Variants in HECTD4 observed in about 807,000 individuals in gnomAD.
HECTD4 encodes the protein HECT domain E3 ubiquitin protein ligase 4, also known as probable E3 ubiquitin-protein ligase HECTD4.
A neutral mutation model predicts 471.5 loss-of-function variants in HECTD4; 114 were observed. The observed-to-expected ratio is 0.24, with a 90% CI of 0.21 to 0.28. The LOEUF is 0.28. Ranked by LOEUF, HECTD4 falls within the 10% of genes least tolerant of loss-of-function variation. The pLI, the probability that HECTD4 is intolerant of heterozygous loss-of-function variation, is 1.00. For synonymous variants in HECTD4, 2,012 were observed against 2,256.0 expected (o/e 0.89, Z 3.07); for missense variants, 3,866 against 5,651.5 (o/e 0.68, Z 10.13).
rs1327178072 is a variant in HECTD4, at chr12:112,327,565, G to A, written c.178-7823C>T. On this transcript the variant is annotated intron_variant, in intron 1 of 75. Coordinates refer to ENST00000682272, the MANE Select transcript of HECTD4 (RefSeq NM_001388303.1). ...GAAACATGGATGTTATTTTTTCTCT[G>A]TTTCAAAAACAACAGACTAATGACA... Among the ~76,000 whole-genome samples the A allele has an allele frequency of 2.6e-5, 4 of 151,992 alleles. No individual in the cohort carries two copies. In the South Asian group the frequency reaches 6.2e-4, roughly 24 times the overall value.
rs534757883 is a variant in HECTD4, at chr12:112,367,197, G to A, written c.177+14755C>T. ...CACACCTGTAATCCCAGTTTCTTGGGAGGCTGAGGCAGAATCACTTGAACC... is the reference window on the plus strand; with the variant it reads ...CACACCTGTAATCCCAGTTTCTTGGAAGGCTGAGGCAGAATCACTTGAACC... On this transcript the variant is annotated intron_variant, in intron 1 of 75. Coordinates refer to ENST00000682272, the MANE Select transcript of HECTD4 (RefSeq NM_001388303.1). Among the ~76,000 whole-genome samples the A allele has an allele frequency of 2.9e-3, 438 of 151,476 alleles. 2 individuals carry two copies. The highest frequency in any genetic ancestry group is 5.5e-3 in the Admixed American group (84 of 15,202).
At chr12:112,176,299 TCA>T (rs1303766420) in intron 65 of HECTD4, among the ~76,000 whole-genome samples, 1 of 152,230 alleles carries the variant, frequency 6.6e-6, no homozygotes, top group Non-Finnish European at 1.5e-5. Flanking sequence ...CACTTTTCGG[TCA>T]CAATCATCTG....
chr12:112,284,402 A>G (rs1362143780), intron 7 of HECTD4, among the ~76,000 whole-genome samples: 1 of 152,212 alleles, frequency 6.6e-6, no homozygotes, highest in Admixed American at 6.5e-5. Flanking sequence ...ATGGGAGTGC[A>G]AAGTGGCAAA....
rs768948417 is a variant in HECTD4, at chr12:112,248,049, AT to A, written c.4248+17del. On this transcript the variant is annotated intron_variant, in intron 27 of 75. Transcript: ENST00000682272. ...CTAAATGGCAATACCCCAGTGACAA[AT>A]CATACAATTTGCTCACCTCATTAAA... The A allele has an allele frequency of 6.3e-7, 1 of 1,585,900 alleles. No homozygotes were observed. Among genetic ancestry groups the A allele is most frequent in the South Asian group, 1.1e-5 (1 of 89,262 alleles).
chr12:112,170,554 C>T (rs955461958), intron 68 of HECTD4, 102 bp from the exon 69 acceptor site: 1 of 1,460,756 alleles, frequency 6.8e-7, no homozygotes, highest in African/African-American at 1.4e-5. Flanking sequence ...ACTCTCAGGC[C>T]CCCTGGTGGC....
Position 112,167,555 on chromosome 12 carries a change from G to A in HECTD4, c.12313-17C>T, listed in dbSNP as rs1472924625. ...ATACTTGCCCTGGAAGTGGAGGTGG[G>A]CATGAGGTGACCTGGGCGTGGGCCT... On this transcript the variant is annotated splice_polypyrimidine_tract_variant and intron_variant, in intron 71 of 75. Transcript: ENST00000682272. 3 of 1,553,564 alleles carry A rather than the reference G, an allele frequency of 1.9e-6. No homozygotes were observed. Among genetic ancestry groups the A allele is most frequent in the Non-Finnish European group, 2.6e-6 (3 of 1,145,250 alleles).
chr12:112,242,267 T>C (rs888436806), intron 32 of HECTD4, among the ~76,000 whole-genome samples: 1 of 152,190 alleles, frequency 6.6e-6, no homozygotes, highest in Non-Finnish European at 1.5e-5. Flanking sequence ...AGAGGATGTG[T>C]TAATTTTTTT....
chr12:112,217,906 C>T (rs2032970775), intron 45 of HECTD4, among the ~76,000 whole-genome samples: 1 of 152,064 alleles, frequency 6.6e-6, no homozygotes, highest in Non-Finnish European at 1.5e-5. Context: ...GTCTTGCTTT[C>T]TCAGTTTTAT....
intron 1 of HECTD4, among the ~76,000 whole-genome samples, chr12:112,349,388 C>CAAAAAAAAAAAAAAAAA (rs60480485): frequency 3.3e-4 from 18 of 54,700 alleles, no homozygotes; most frequent in East Asian, 5.1e-4. Flanking sequence ...ACTCTTGCTC[C>CAAAAAAAAAAAAAAAAA]AAAAAAAAAA....
chr12:112,231,836 T>C, intron 38 of HECTD4, 121 bp from the exon 39 acceptor site: 1 of 794,682 alleles, frequency 1.3e-6, no homozygotes, highest in East Asian at 2.7e-5. Context: ...AATTCAAACA[T>C]AAAATATTAT....
chr12:112,169,473 C>T, intron 70 of HECTD4, 30 bp downstream of exon 70: 1 of 1,584,578 alleles, frequency 6.3e-7, no homozygotes, highest in South Asian at 1.1e-5. Context: ...ACAGCTCCTC[C>T]AGCGTGGAGC....
At chr12:112,176,356 T>G (rs1000008290) in intron 65 of HECTD4, among the ~76,000 whole-genome samples, 2 of 152,208 alleles carry the variant, frequency 1.3e-5, no homozygotes, top group Non-Finnish European at 2.9e-5. Flanking sequence ...GCTATTTTAC[T>G]TCCTCAAGTT....
In HECTD4 at chr12:112,254,123, C is replaced by A. The variant is rs765221398; in HGVS notation, c.3367G>T (p.Val1123Phe). 8.7e-6 allele frequency: 14 copies of A among 1,614,010 alleles called. No homozygotes were observed. The highest frequency in any genetic ancestry group is 1.2e-5 in the Non-Finnish European group (14 of 1,179,886). ...YAGPNTNSRKVAEYGGNTLGY... is the reference protein window; with the variant it reads ...YAGPNTNSRKFAEYGGNTLGY... ...AGTGTGTTGCCTCCATATTCAGCAA[C>A]CTTCCTACTGTTTGTGTTAGGCCCC... Residue 1123 changes from valine to phenylalanine, a missense_variant, in exon 22 of 76, where the codon GTT becomes TTT. Val to Phe is a conservative substitution (Grantham distance 50). Around this residue, in one of 16 missense-constraint regions of HECTD4, gnomAD observed 281 missense variants for 499.9 expected, o/e 0.56. Transcript: ENST00000682272.
intron 1 of HECTD4, among the ~76,000 whole-genome samples, chr12:112,345,373 G>T (rs1004238831): frequency 2.0e-5 from 3 of 152,070 alleles, no homozygotes. Flanking sequence ...TCTAACTCCT[G>T]TCTACAAAAA....
intron 1 of HECTD4, among the ~76,000 whole-genome samples, chr12:112,364,591 T>C (rs1054522251): frequency 2.6e-5 from 4 of 151,882 alleles, no homozygotes; most frequent in African/African-American, 9.7e-5. Context: ...TAGCCAGCCG[T>C]GGTGGCATGG....
chr12:112,352,405 G>A (rs1366765277), intron 1 of HECTD4, among the ~76,000 whole-genome samples: 5 of 149,420 alleles, frequency 3.3e-5, no homozygotes, highest in Admixed American at 6.8e-5. Context: ...GCACAATCTC[G>A]GCTCATTGCA....
At chr12:112,278,957 A>C (rs2034581465) in intron 9 of HECTD4, among the ~76,000 whole-genome samples, 11 of 152,188 alleles carry the variant, frequency 7.2e-5, no homozygotes, top group Admixed American at 7.2e-4. Context: ...TAATGTGACA[A>C]AATATTATTT....
Position 112,239,338 on chromosome 12 carries a change from C to G in HECTD4, c.5106-102G>C. On this transcript the variant is annotated intron_variant, in intron 33 of 75. Transcript: ENST00000682272. This position sits in a 1 kb window ranked among gnomAD's most constrained non-coding sequence, Gnocchi z 4.9. ...GGGCATAAAACATGCTGGTGCAGCT[C>G]TTTCCCTACAACTTAGGATACTGCC... 1 of 986,714 alleles carries G rather than the reference C, an allele frequency of 1.0e-6. No homozygotes were observed. 61.1% of individuals were successfully genotyped at this position (986,714 alleles called of 1,614,324 possible).
intron 1 of HECTD4, among the ~76,000 whole-genome samples, chr12:112,330,276 CA>C (rs34034288): frequency 0.084 from 8,438 of 100,502 alleles, 1,138 homozygotes; most frequent in East Asian, 0.64. Context: ...TACTTTGTCT[CA>C]AAAAAAAAAA....
Sources: gnomAD v4.1 joint callset for allele counts (sites outside exome capture counted in the v4.1 genomes callset) on GRCh38, gnomAD v4.1.1 for gene constraint, gnomAD v4.1.1 regional missense constraint, Gnocchi (gnomAD v3.1) non-coding constraint, MANE v1.5 for transcripts, NCBI Gene and HGNC (gene_info 2026-07-23, HGNC 2026-07-21) for gene names.